Variants in ZNRF2 observed in about 807,000 individuals in gnomAD.
ZNRF2 encodes the protein zinc and ring finger 2.
ZNRF2 carries 16 observed loss-of-function variants against 20.4 expected under a neutral mutation model. The ratio of observed to expected loss-of-function variants is 0.79; its 90% CI spans 0.53 to 1.19. The LOEUF is 1.19. ZNRF2 is among the 50% of genes most tolerant of loss of function. The pLI is 0.00. For synonymous variants in ZNRF2, 178 were observed against 144.9 expected (o/e 1.23, Z -1.64); for missense variants, 363 against 332.4 (o/e 1.09, Z -0.72).
chr7:30,315,450 A>G (rs904780890), intron 1 of ZNRF2, among the ~76,000 whole-genome samples: 3 of 152,070 alleles, frequency 2.0e-5, no homozygotes, highest in Non-Finnish European at 4.4e-5. Context: ...TTCTGGCCCT[A>G]GTCCTGACTA....
intron 2 of ZNRF2, among the ~76,000 whole-genome samples, chr7:30,352,506 A>G (rs1799975013): frequency 6.6e-6 from 1 of 152,090 alleles, no homozygotes; most frequent in African/African-American, 2.4e-5. Context: ...TTAAACTGAT[A>G]AGCAATGCGC....
rs71536219 is a variant in ZNRF2, at chr7:30,295,050, AGTGTGTGTGTGTGTGT to A, written c.469+9260_469+9275del. On this transcript the variant is annotated intron_variant, in intron 1 of 4. Coordinates refer to ENST00000323037, the MANE Select transcript of ZNRF2 (RefSeq NM_147128.4). ...GAGAGAGAGAGAGAGAGAGAGAGAG[AGTGTGTGTGTGTGTGT>A]GTGTGTGTGTGTGTGTGTGTGTGTG... Among the ~76,000 whole-genome samples, 17 of 38,274 alleles carry A rather than the reference AGTGTGTGTGTGTGTGT, an allele frequency of 4.4e-4. 1 individual carries two copies. The highest frequency in any genetic ancestry group is 1.8e-3 in the African/African-American group (14 of 7,926). 25.1% of individuals were successfully genotyped at this position (38,274 alleles called of 152,430 possible). A position where few individuals can be genotyped will look rare whatever the true frequency, so the allele number is the denominator to read the frequency against.
intron 1 of ZNRF2, among the ~76,000 whole-genome samples, chr7:30,319,274 A>G (rs1254916227): frequency 2.0e-5 from 3 of 152,124 alleles, no homozygotes; most frequent in African/African-American, 4.8e-5. Flanking sequence ...AAAGAATAAG[A>G]GTTGTCTGAA....
chr7:30,342,336 A>G (rs577131946), intron 2 of ZNRF2, among the ~76,000 whole-genome samples: 269 of 152,220 alleles, frequency 1.8e-3, no homozygotes, highest in Non-Finnish European at 2.6e-3. Context: ...TGGTGATTAC[A>G]GTTTGTTATG....
At chr7:30,334,617 T>C (rs1799689053) in intron 2 of ZNRF2, among the ~76,000 whole-genome samples, 2 of 152,210 alleles carry the variant, frequency 1.3e-5, no homozygotes, top group Admixed American at 1.3e-4. Context: ...AAAATTTTTC[T>C]TTCGATATTT....
At chr7:30,340,282 A>G (rs1038082322) in intron 2 of ZNRF2, among the ~76,000 whole-genome samples, 1 of 152,136 alleles carries the variant, frequency 6.6e-6, no homozygotes, top group Non-Finnish European at 1.5e-5. Flanking sequence ...TTCCAATACT[A>G]TGTTGAATAG....
intron 2 of ZNRF2, among the ~76,000 whole-genome samples, chr7:30,342,949 A>G (rs1799819528): frequency 6.6e-6 from 1 of 151,688 alleles, no homozygotes; most frequent in African/African-American, 2.4e-5. Flanking sequence ...TGATCAGAGG[A>G]TGTTGTCTGT....
rs73685995 is a variant in ZNRF2 at position 30,309,895 on chromosome 7, A to C, written c.470-13747A>C. 3.9e-5 allele frequency among the ~76,000 whole-genome samples: 6 copies of C among 152,224 alleles called. No homozygotes were observed. In the East Asian group the frequency reaches 1.2e-3, roughly 29 times the overall value. ...AGATAAATGAGGCTGGAGTTGGAAG[A>C]AAACAAGATACATGGCTTTGTATAT... On this transcript the variant is annotated intron_variant, in intron 1 of 4. Coordinates refer to ENST00000323037, the MANE Select transcript of ZNRF2 (RefSeq NM_147128.4).
chr7:30,336,199 A>G (rs1227585497), intron 2 of ZNRF2, among the ~76,000 whole-genome samples: 2 of 152,208 alleles, frequency 1.3e-5, no homozygotes, highest in African/African-American at 4.8e-5. Context: ...ATATTTTTCC[A>G]ATGACTACAT....
chr7:30,287,340 GA>G (rs1798810168), intron 1 of ZNRF2, among the ~76,000 whole-genome samples: 1 of 152,204 alleles, frequency 6.6e-6, no homozygotes, highest in South Asian at 2.1e-4. Flanking sequence ...TTTTTAAAGT[GA>G]AAATTTGCAT....
At chr7:30,317,291 G>A (rs142807230) in intron 1 of ZNRF2, among the ~76,000 whole-genome samples, 194 of 94,544 alleles carry the variant, frequency 2.1e-3, no homozygotes, top group Middle Eastern at 7.9e-3. Flanking sequence ...CTGCCCCACA[G>A]GTATCAAATT....
intron 1 of ZNRF2, among the ~76,000 whole-genome samples, chr7:30,322,089 C>T (rs1013843088): frequency 8.6e-5 from 13 of 151,830 alleles, no homozygotes; most frequent in Non-Finnish European, 1.5e-4. Context: ...TTAGGCCATG[C>T]GTTGGACAAA....
intron 1 of ZNRF2, among the ~76,000 whole-genome samples, chr7:30,297,455 T>C (rs1799037383): frequency 6.6e-6 from 1 of 152,222 alleles, no homozygotes; most frequent in South Asian, 2.1e-4. Context: ...TAAAATTTTT[T>C]TGAGGCTTCC....
chr7:30,326,244 C>G (rs1418905884), intron 2 of ZNRF2, among the ~76,000 whole-genome samples: 1 of 152,042 alleles, frequency 6.6e-6, no homozygotes, highest in Non-Finnish European at 1.5e-5. Context: ...AGGTATTAAG[C>G]CTAGTACTCA....
At chr7:30,318,313 G>A (rs1371013790) in intron 1 of ZNRF2, among the ~76,000 whole-genome samples, 1 of 152,158 alleles carries the variant, frequency 6.6e-6, no homozygotes, top group Non-Finnish European at 1.5e-5. Context: ...TTTGGATATA[G>A]TGATTGAGAG....
chr7:30,363,623 CA>C (rs1800162687), intron 4 of ZNRF2, among the ~76,000 whole-genome samples: 1 of 151,514 alleles, frequency 6.6e-6, no homozygotes, highest in Non-Finnish European at 1.5e-5. Flanking sequence ...ATATAGTAGG[CA>C]AAAAATAAAG....
intron 2 of ZNRF2, among the ~76,000 whole-genome samples, chr7:30,336,601 A>C (rs1046515251): frequency 1.3e-5 from 2 of 152,122 alleles, no homozygotes. Flanking sequence ...ATTTCTAGGT[A>C]GTTTCTCATT....
intron 1 of ZNRF2, among the ~76,000 whole-genome samples, chr7:30,312,788 C>G (rs1287870243): frequency 1.3e-5 from 2 of 152,102 alleles, no homozygotes; most frequent in Non-Finnish European, 2.9e-5. Context: ...ACCTGTGGCT[C>G]TTGGATTAAT....
chr7:30,346,893 T>G (rs971286635), intron 2 of ZNRF2, among the ~76,000 whole-genome samples: 2 of 152,176 alleles, frequency 1.3e-5, no homozygotes, highest in Non-Finnish European at 2.9e-5. Context: ...TTAATGATTT[T>G]TGGTTTCTTT....
Sources: allele counts gnomAD v4.1 joint callset (sites outside exome capture counted in the v4.1 genomes callset), GRCh38; gene constraint gnomAD v4.1.1; transcripts MANE v1.5; gene names NCBI Gene and HGNC (gene_info 2026-07-23, HGNC 2026-07-21).